Variants in LAMP2 observed in about 807,000 individuals in gnomAD.
The protein encoded by LAMP2 is lysosome associated membrane protein 2, also known as lysosome-associated membrane glycoprotein 2.
Under a neutral mutation model 25.6 loss-of-function variants are expected in LAMP2, and 4 were observed. The ratio of observed to expected loss-of-function variants is 0.16; its 90% CI spans 0.08 to 0.36. The LOEUF (loss-of-function observed/expected upper bound fraction) is 0.36. Ranked by LOEUF, LAMP2 falls within the 10% of genes least tolerant of loss-of-function variation. LAMP2 has a pLI of 1.00. For missense variants in LAMP2, 272 were observed against 301.4 expected (o/e 0.90, Z 0.72); for synonymous variants, 108 against 112.7 (o/e 0.96, Z 0.27).
intron 3 of LAMP2, among the ~76,000 whole-genome samples, chrX:120,451,106 T>C (rs944586407): frequency 9.1e-6 from 1 of 110,070 alleles, no homozygotes; most frequent in Non-Finnish European, 1.9e-5. Flanking sequence ...TTTCGTATTT[T>C]TAGTAGAGAT....
At chrX:120,436,826 T>C in intron 8 of LAMP2, 1 of 737,963 alleles carries the variant, frequency 1.4e-6, no homozygotes, top group Non-Finnish European at 1.6e-6. Context: ...TGAAGTCAGG[T>C]TTTCTATAAA....
intron 3 of LAMP2, 62 bp downstream of exon 3, chrX:120,455,295 T>C (rs1031344090): frequency 1.9e-5 from 18 of 938,280 alleles, no homozygotes; most frequent in Non-Finnish European, 2.6e-5. Flanking sequence ...TTTAAAATTG[T>C]TTACATTTTT....
chrX:120,468,055 G>A (rs1370105531), intron 1 of LAMP2, among the ~76,000 whole-genome samples: 1 of 111,818 alleles, frequency 8.9e-6, no homozygotes, highest in East Asian at 2.8e-4. Context: ...GAGCCACCAC[G>A]CCCGGCCCCA....
intron 6 of LAMP2, 44 bp downstream of exon 6, chrX:120,446,261 G>C (rs1332521490): frequency 1.2e-5 from 14 of 1,164,755 alleles, no homozygotes; most frequent in Non-Finnish European, 1.6e-5. Context: ...TTTCAGATGT[G>C]TTTCTAAGAG....
chrX:120,453,569 G>A (rs1420882985), intron 3 of LAMP2, among the ~76,000 whole-genome samples: 1 of 112,245 alleles, frequency 8.9e-6, no homozygotes, highest in Non-Finnish European at 1.9e-5. Flanking sequence ...CAGCACTTTG[G>A]GAGGCTGAGG....
chrX:120,439,410 C>T (rs2058561581), intron 8 of LAMP2: 1 of 632,560 alleles, frequency 1.6e-6, no homozygotes, highest in Admixed American at 2.5e-5. Flanking sequence ...CTTCAAGTAA[C>T]TAAGACAGGT....
At position 120,426,217 on chromosome X, in the gene LAMP2, A is replaced by G. The variant is rs1464741159; in HGVS notation, c.*5106T>C. ...TAAAATCACACATACTAGATCAAAC[A>G]GAAGTACCACAGTATGCTTTATTTT... On this transcript the variant is annotated 3_prime_UTR_variant, in exon 9 of 9. Coordinates refer to ENST00000200639, the MANE Select transcript of LAMP2 (RefSeq NM_002294.3). 3.0e-5 allele frequency among the ~76,000 whole-genome samples: 3 copies of G among 99,676 alleles called. No homozygotes were observed. The highest frequency in any genetic ancestry group is 1.1e-4 in the African/African-American group (3 of 27,010). The allele number at this position is 99,676 out of a possible 115,157, so 86.6% of individuals were successfully genotyped here.
In LAMP2 at chrX:120,448,037, G is replaced by C; in HGVS notation, c.557-12C>G. ...ATCACACAGGAACTCTAAAACAAGC[G>C]AAAAGGGACAAAAGAAACCAAAGCG... On this transcript the variant is annotated splice_polypyrimidine_tract_variant and intron_variant, in intron 4 of 8. Transcript: ENST00000200639. The C allele has an allele frequency of 2.5e-6, 3 of 1,205,393 alleles. No homozygotes were observed. The highest frequency in any genetic ancestry group is 3.4e-6 in the Non-Finnish European group (3 of 889,944).
At chrX:120,438,039 T>G (rs958642120) in intron 8 of LAMP2, 9 of 258,029 alleles carry the variant, frequency 3.5e-5, no homozygotes, top group Middle Eastern at 2.3e-3. Context: ...GTATTTCTGA[T>G]AGAGATGGGG....
chrX:120,439,021 G>T, intron 8 of LAMP2: 1 of 1,106,445 alleles, frequency 9.0e-7, no homozygotes, highest in Non-Finnish European at 1.2e-6. Context: ...TTTTGTTTAA[G>T]TTTGAAATCC....
At chrX:120,436,368 C>T (rs186705085) in intron 8 of LAMP2, 1 of 314,104 alleles carries the variant, frequency 3.2e-6, no homozygotes, top group East Asian at 2.2e-4. Flanking sequence ...GACAGAACAT[C>T]AGAACATTTT....
Position 120,447,959 on chromosome X carries a change from G to A in LAMP2, c.623C>T (p.Pro208Leu). 1 of 1,210,351 alleles carries A rather than the reference G, an allele frequency of 8.3e-7. No homozygotes were observed. The highest frequency in any genetic ancestry group is 1.8e-5 in the South Asian group (1 of 56,967). Residue 208 changes from proline to leucine, a missense_variant, in exon 5 of 9, where the codon CCT becomes CTT. Physicochemically the swap from Pro to Leu is moderately conservative, Grantham distance 98. Transcript: ENST00000200639. ...APTIHTTVPS[P>L]TTTPTPKEKP... ...TTCCTTTGGAGTAGGTGTTGTAGTA[G>A]GAGATGGCACAGTGGTGTGTATGGT... is the stretch of plus-strand genomic sequence containing the variant.
Position 120,429,358 on chromosome X carries a change from C to T in LAMP2, c.*1965G>A. On this transcript the variant is annotated 3_prime_UTR_variant, in exon 9 of 9. Coordinates refer to ENST00000200639, the MANE Select transcript of LAMP2 (RefSeq NM_002294.3). ...CTCCTTCCAGTACTAGCCAAAGGAC[C>T]TTGGGCAAGTTATTTAAACTGGGCC... 1.3e-5 allele frequency: 8 copies of T among 638,823 alleles called. No homozygotes were observed. The highest frequency in any genetic ancestry group is 1.5e-5 in the Non-Finnish European group (8 of 536,505). 52.6% of individuals were successfully genotyped at this position (638,823 alleles called of 1,213,427 possible).
At position 120,466,945 on chromosome X, in the gene LAMP2, C is replaced by A. The variant is rs193273106; in HGVS notation, c.64+2161G>T. 4.7e-3 allele frequency among the ~76,000 whole-genome samples: 509 copies of A among 108,178 alleles called. 3 individuals carry two copies. Among genetic ancestry groups the A allele is most frequent in the Non-Finnish European group, 7.3e-3 (382 of 52,284 alleles). 93.9% of individuals were successfully genotyped at this position (108,178 alleles called of 115,157 possible). Reference sequence around the variant, plus strand: ...GCAACCTCCGCCTCCTGGGTTCAAGCGATTCTCCTGCCTCGGCCTCCCAAG... The same window carrying A: ...GCAACCTCCGCCTCCTGGGTTCAAGAGATTCTCCTGCCTCGGCCTCCCAAG... On this transcript the variant is annotated intron_variant, in intron 1 of 8. Transcript: ENST00000200639.
chrX:120,430,897 G>A lies in LAMP2; in HGVS notation c.*426C>T. The A allele has an allele frequency of 2.6e-6, 2 of 769,405 alleles. No homozygotes were observed. The highest frequency in any genetic ancestry group is 3.1e-6 in the Non-Finnish European group (2 of 645,682). The allele number at this position is 769,405 out of a possible 1,213,427, so 63.4% of individuals were successfully genotyped here. ...ACTTTATGCAAAGGCACATTGATGA[G>A]TTTAAATCACTATAGTCCTTATACA... On this transcript the variant is annotated 3_prime_UTR_variant, in exon 9 of 9. Coordinates refer to ENST00000200639, the MANE Select transcript of LAMP2 (RefSeq NM_002294.3).
rs1799601109 is a variant in LAMP2, at chrX:120,428,976, C to T, written c.*2347G>A. 42 of 686,697 alleles carry T rather than the reference C, an allele frequency of 6.1e-5. No individual in the cohort carries two copies. Among genetic ancestry groups the T allele is most frequent in the Non-Finnish European group, 7.3e-5 (42 of 578,978 alleles). 56.6% of individuals were successfully genotyped at this position (686,697 alleles called of 1,213,427 possible). On this transcript the variant is annotated 3_prime_UTR_variant, in exon 9 of 9. Coordinates refer to ENST00000200639, the MANE Select transcript of LAMP2 (RefSeq NM_002294.3). ...CTGTGTATTTCCCTACTCTCTTTCT[C>T]TTCGTCACACCTATAATTAAAGTAT...
chrX:120,439,483 T>A (rs2058561989), intron 8 of LAMP2, among the ~76,000 whole-genome samples: 1 of 106,778 alleles, frequency 9.4e-6, no homozygotes, highest in Non-Finnish European at 1.9e-5. Context: ...TCTAAGACTT[T>A]CTTTGTCCTT....
At position 120,447,741 on chromosome X, in the gene LAMP2, G is replaced by A. The variant is rs2058603571; in HGVS notation, c.741+100C>T. On this transcript the variant is annotated intron_variant, in intron 5 of 8. Transcript: ENST00000200639. ...ACAAACAAACAAACAAAAAGAAAAC[G>A]GAATCATTCTAGTAACACTACCTTT... is the stretch of plus-strand genomic sequence containing the variant. 9.2e-5 allele frequency: 70 copies of A among 757,302 alleles called. No individual in the cohort carries two copies. In the South Asian group the frequency reaches 1.5e-3, roughly 16 times the overall value. 62.4% of individuals were successfully genotyped at this position (757,302 alleles called of 1,213,427 possible). A position where few individuals can be genotyped will look rare whatever the true frequency, so the allele number is the denominator to read the frequency against.
intron 4 of LAMP2, among the ~76,000 whole-genome samples, chrX:120,448,679 TAATC>T (rs1206383214): frequency 8.9e-6 from 1 of 112,692 alleles, no homozygotes; most frequent in Non-Finnish European, 1.9e-5. Context: ...AAAAAGCTGA[TAATC>T]AAGCTATCTG....
Sources: allele counts gnomAD v4.1 joint callset (sites outside exome capture counted in the v4.1 genomes callset), GRCh38; gene constraint gnomAD v4.1.1; transcripts MANE v1.5; gene names NCBI Gene and HGNC (gene_info 2026-07-23, HGNC 2026-07-21).